The following DHX37 variants were observed in gnomAD, a reference collection of about 807,000 sequenced individuals.
DHX37 encodes the protein probable ATP-dependent RNA helicase DHX37.
A neutral mutation model predicts 134.3 loss-of-function variants in DHX37; 52 were observed. The observed-to-expected ratio is 0.39, with a 90% CI of 0.31 to 0.49. The LOEUF (loss-of-function observed/expected upper bound fraction) is 0.49, where lower values mean the gene tolerates loss of function less well. Ranked by LOEUF, DHX37 falls within the 20% of genes least tolerant of loss-of-function variation. DHX37 has a pLI of 0.93. For missense variants in DHX37, 1,344 were observed against 1,580.8 expected, an observed-to-expected ratio of 0.85 and a Z score of 2.54; for synonymous variants, 634 against 670.7, an observed-to-expected ratio of 0.95 and a Z score of 0.85.
At position 124,982,562 on chromosome 12, in the gene DHX37, A is replaced by G; in HGVS notation, c.338T>C (p.Phe113Ser). Residue 113 changes from phenylalanine to serine, a missense_variant, in exon 3 of 27, where the codon TTT (phenylalanine) becomes TCT (serine). Coordinates refer to ENST00000308736, the MANE Select transcript of DHX37 (RefSeq NM_032656.4). ...VQASEAEMRL[F>S]YTTSKLGTGN... ...AGTGCCTAGCTTGGAAGTGGTATAA[A>G]AGAGTCTCATCTCAGCTTCGGAAGC... 1.2e-6 allele frequency: 2 copies of G among 1,613,706 alleles called. No homozygotes were observed. Among genetic ancestry groups the G allele is most frequent in the Non-Finnish European group, 1.7e-6 (2 of 1,179,808 alleles).
chr12:124,971,817 G>T (rs369954182), intron 7 of DHX37, among the ~76,000 whole-genome samples: 1 of 152,172 alleles, frequency 6.6e-6, no homozygotes, highest in Admixed American at 6.5e-5. Context: ...TCCCCCACCC[G>T]GGCCCTGCAT....
Position 124,972,583 on chromosome 12 carries a change from T to C in DHX37, c.997A>G (p.Ile333Val). The change falls in exon 7 of 27, where the codon ATC (isoleucine) becomes GTC (valine). Residue 333 changes from isoleucine (I) to valine (V), a missense_variant. By Grantham distance (29) the Ile-to-Val change is conservative. Coordinates refer to ENST00000308736, the MANE Select transcript of DHX37 (RefSeq NM_032656.4). ...TCTGTCACGTTTCCTTCATACCGGATCTGGTAGGAGACGACCCTGTATGGG... is the reference window on the plus strand; with the variant it reads ...TCTGTCACGTTTCCTTCATACCGGACCTGGTAGGAGACGACCCTGTATGGG... ...NLSQRVVSYQ[I>V]RYEGNVTEET... 3.1e-6 allele frequency: 5 copies of C among 1,614,170 alleles called. No individual in the cohort carries two copies. The highest frequency in any genetic ancestry group is 4.2e-6 in the Non-Finnish European group (5 of 1,180,012).
intron 23 of DHX37, 71 bp from the exon 24 acceptor site, chr12:124,950,314 C>T: frequency 6.2e-7 from 1 of 1,606,372 alleles, no homozygotes; most frequent in East Asian, 2.2e-5. Flanking sequence ...CCTGCCCCAC[C>T]CGAGACACAC....
chr12:124,948,394 G>T, intron 25 of DHX37: 6 of 806,168 alleles, frequency 7.4e-6, no homozygotes, highest in Non-Finnish European at 1.1e-5. Flanking sequence ...AGGCTGCAGT[G>T]AACCATGACT....
chr12:124,955,163 C>T (rs567345603), intron 18 of DHX37, among the ~76,000 whole-genome samples: 1 of 152,370 alleles, frequency 6.6e-6, no homozygotes, highest in African/African-American at 2.4e-5. Context: ...CAAAGGGATG[C>T]CCAGATAGCT....
At position 124,980,726 on chromosome 12, in the gene DHX37, C is replaced by CCTCCTCCAGCTCCGATTCCGA. The variant is rs780983197; in HGVS notation, c.501_502insTCGGAATCGGAGCTGGAGGAG (p.Glu167_Glu168insSerGluSerGluLeuGluGlu). ...TCCTCCTCCAGCTCCGATTCCGACT[C>CCTCCTCCAGCTCCGATTCCGA]CTCCTCCTCCTCCTCCTCCTCCTCA... is the stretch of plus-strand genomic sequence containing the variant. On this transcript the variant is annotated inframe_insertion, in exon 4 of 27. Coordinates refer to ENST00000308736, the MANE Select transcript of DHX37 (RefSeq NM_032656.4). The surrounding 1 kb of genome is among the most constrained non-coding windows in gnomAD (Gnocchi z 5.3). The CCTCCTCCAGCTCCGATTCCGA allele has an allele frequency of 5.5e-6, 7 of 1,261,808 alleles. No individual in the cohort carries two copies. The African/African-American group carries it at 1.1e-4, about 19-fold the overall frequency. The allele number at this position is 1,261,808 out of a possible 1,614,324, so 78.2% of individuals were successfully genotyped here.
intron 4 of DHX37, among the ~76,000 whole-genome samples, chr12:124,978,478 T>C (rs1026590825): frequency 6.6e-6 from 1 of 150,824 alleles, no homozygotes; most frequent in Admixed American, 6.6e-5. Context: ...CCACCATGCC[T>C]GGCTAATTTT....
rs760155036 is a variant in DHX37, at chr12:124,952,509, C to G, written c.2757G>C (p.Glu919Asp). ...FVDPKMQPPT[E>D]SQVTYLRQIV... ...TCTGTCGCAGGTAGGTCACCTGGCT[C>G]TCGGTGGGCGGCTGCATCTTGGGAT... Residue 919 changes from glutamate (E) to aspartate (D), a missense_variant, in exon 21 of 27, where the codon GAG (glutamate) becomes GAC (aspartate). Glu to Asp is a conservative substitution (Grantham distance 45). This residue lies in a region of DHX37 where 558 missense variants were observed against 650.0 expected (regional missense o/e 0.86). Coordinates refer to ENST00000308736, the MANE Select transcript of DHX37 (RefSeq NM_032656.4). 60 of 1,605,740 alleles carry G rather than the reference C, an allele frequency of 3.7e-5. No individual in the cohort carries two copies. Among genetic ancestry groups the G allele is most frequent in the Admixed American group, 5.0e-5 (3 of 59,544 alleles).
chr12:124,979,860 A>G (rs1226848518), intron 4 of DHX37, among the ~76,000 whole-genome samples: 1 of 152,234 alleles, frequency 6.6e-6, no homozygotes, highest in Non-Finnish European at 1.5e-5. Context: ...CATTTGCTAG[A>G]GCGGTCAGCT....
At chr12:124,962,989 G>C (rs1020148735) in intron 15 of DHX37, among the ~76,000 whole-genome samples, 2 of 152,298 alleles carry the variant, frequency 1.3e-5, no homozygotes, top group East Asian at 3.9e-4. Context: ...ACGGCCCAGC[G>C]GTTCTCTTAG....
At chr12:124,988,569 T>G (rs1416320972) in intron 1 of DHX37, among the ~76,000 whole-genome samples, 3 of 152,120 alleles carry the variant, frequency 2.0e-5, no homozygotes, top group African/African-American at 7.2e-5. Context: ...AGCCTGGAGC[T>G]GAGCAGACAA....
rs371881147 is a variant in DHX37, at chr12:124,954,165, C to T, written c.2500G>A (p.Ala834Thr). ...GTCCTCTTCATCTGGGCCACCCGGG[C>T]CCGCTTGCTCTTCAGCCTGGTGAGC... ...EELTRLKSKR[A>T]RVAQMKRTWA... Residue 834 changes from alanine to threonine, a missense_variant, in exon 19 of 27, where the codon GCC becomes ACC. Ala to Thr is a moderately conservative substitution (Grantham distance 58). Transcript: ENST00000308736. The T allele has an allele frequency of 5.7e-5, 92 of 1,611,822 alleles. No homozygotes were observed. Among genetic ancestry groups the T allele is most frequent in the Non-Finnish European group, 7.3e-5 (86 of 1,179,176 alleles).
chr12:124,956,471 TCA>T (rs1954096109), intron 18 of DHX37, among the ~76,000 whole-genome samples: 2 of 152,362 alleles, frequency 1.3e-5, no homozygotes, highest in African/African-American at 2.4e-5. Flanking sequence ...CAACATACTT[TCA>T]CAGTCTTAGT....
At chr12:124,982,340 G>A (rs1265889337) in intron 3 of DHX37, among the ~76,000 whole-genome samples, 171 bp downstream of exon 3, 2 of 152,132 alleles carry the variant, frequency 1.3e-5, no homozygotes, top group Non-Finnish European at 2.9e-5. Context: ...AGCAGCATCT[G>A]TGGCCTTTAC....
intron 15 of DHX37, among the ~76,000 whole-genome samples, chr12:124,963,635 C>T (rs1054194613): frequency 1.3e-5 from 2 of 150,766 alleles, no homozygotes; most frequent in Non-Finnish European, 3.0e-5. Flanking sequence ...TTTGGGAGGC[C>T]GAGGCGGGTG....
intron 8 of DHX37, among the ~76,000 whole-genome samples, chr12:124,970,913 T>A (rs573781733): frequency 6.6e-6 from 1 of 152,326 alleles, no homozygotes; most frequent in African/African-American, 2.4e-5. Flanking sequence ...GGGGAGCCCC[T>A]CTCAGAGCTC....
At chr12:124,961,736 C>A (rs545986311) in intron 15 of DHX37, among the ~76,000 whole-genome samples, 1 of 152,118 alleles carries the variant, frequency 6.6e-6, no homozygotes, top group Admixed American at 6.6e-5. Context: ...CTAAAGAACT[C>A]TTACAGATCA....
Position 124,953,966 on chromosome 12 carries a change from C to T in DHX37, c.2609G>A (p.Cys870Tyr). 6.2e-7 allele frequency: 1 copy of T among 1,613,548 alleles called. No individual in the cohort carries two copies. The highest frequency in any genetic ancestry group is 8.5e-7 in the Non-Finnish European group (1 of 1,179,978). Residue 870 changes from cysteine (C) to tyrosine (Y), a missense_variant, in exon 20 of 27, where the codon TGC becomes TAC. Cys to Tyr is a radical substitution (Grantham distance 194, BLOSUM62 -2). Around this residue, in one of 7 missense-constraint regions of DHX37, gnomAD observed 558 missense variants for 650.0 expected, o/e 0.86. Coordinates refer to ENST00000308736, the MANE Select transcript of DHX37 (RefSeq NM_032656.4). ...GTTGGCTTCGCAAAACTGGGGTGTG[C>T]AGCTGGCATACTCACAGGCTCCCAC... ...GAVGACEYAS[C>Y]TPQFCEANGL...
intron 3 of DHX37, among the ~76,000 whole-genome samples, chr12:124,981,086 G>A (rs1395142389): frequency 1.3e-5 from 2 of 152,122 alleles, no homozygotes; most frequent in African/African-American, 4.8e-5. Flanking sequence ...GCTCTTCCCT[G>A]CTTCATTTTC....
Sources: gnomAD v4.1 joint callset for allele counts (sites outside exome capture counted in the v4.1 genomes callset) on GRCh38, gnomAD v4.1.1 for gene constraint, gnomAD v4.1.1 regional missense constraint, Gnocchi (gnomAD v3.1) non-coding constraint, MANE v1.5 for transcripts, NCBI Gene and HGNC (gene_info 2026-07-23, HGNC 2026-07-21) for gene names.